Variants in WDR62 observed in about 807,000 individuals in gnomAD.
The protein encoded by WDR62 is WD repeat-containing protein 62.
Under a neutral mutation model 160.6 loss-of-function variants are expected in WDR62, and 112 were observed. That is an observed-to-expected ratio of 0.70 (90% CI 0.60 to 0.82). The LOEUF (loss-of-function observed/expected upper bound fraction) is 0.82, where lower values mean the gene tolerates loss of function less well. WDR62 is among the 40% of genes least tolerant of loss of function. The pLI is 0.00. For missense variants in WDR62, 1,819 were observed against 1,983.8 expected, an observed-to-expected ratio of 0.92 and a Z score of 1.58; for synonymous variants, 792 against 815.1, an observed-to-expected ratio of 0.97 and a Z score of 0.48.
intron 7 of WDR62, among the ~76,000 whole-genome samples, chr19:36,069,300 C>G (rs536733568): frequency 1.2e-4 from 18 of 152,036 alleles, no homozygotes; most frequent in African/African-American, 3.4e-4. Flanking sequence ...CGGAGGGGCT[C>G]CTCACTTCTC....
chr19:36,076,262 TG>T (rs892471834), intron 9 of WDR62, among the ~76,000 whole-genome samples: 2 of 151,742 alleles, frequency 1.3e-5, no homozygotes, highest in African/African-American at 4.8e-5. Context: ...GAAAAGACCA[TG>T]TTTTTTTTTT....
At position 36,103,433 on chromosome 19, in the gene WDR62, C is replaced by T. The variant is rs748505074; in HGVS notation, c.3605C>T (p.Thr1202Ile). The change falls in exon 30 of 32, where the codon ACC (threonine) becomes ATC (isoleucine). Residue 1202 changes from threonine (T) to isoleucine (I), a missense_variant. Physicochemically the swap from Thr to Ile is moderately conservative, Grantham distance 89 (BLOSUM62 -1). Transcript: ENST00000401500. ...RNLPTPTSAP[T>I]PGLAQGVHAP... Reference sequence around the variant, plus strand: ...CTCCCAACGCCCACATCTGCACCCACCCCAGGCCTGGCTCAGGGTGTCCAT... The same window carrying T: ...CTCCCAACGCCCACATCTGCACCCATCCCAGGCCTGGCTCAGGGTGTCCAT... 12 of 1,614,058 alleles carry T rather than the reference C, an allele frequency of 7.4e-6. No homozygotes were observed. In the South Asian group the frequency reaches 9.9e-5, roughly 13 times the overall value.
At chr19:36,101,557 C>A (rs1253062244) in intron 24 of WDR62, 107 bp from the exon 25 acceptor site, 2 of 909,852 alleles carry the variant, frequency 2.2e-6, no homozygotes, top group Non-Finnish European at 3.5e-6. Context: ...GCTGCTCTTA[C>A]CATCCCTCCT....
At chr19:36,106,649 CCA>C (rs1395790598), downstream of WDR62, among the ~76,000 whole-genome samples, 1 of 152,204 alleles carries the variant, frequency 6.6e-6, no homozygotes, top group African/African-American at 2.4e-5. Flanking sequence ...CCTGGGGCAG[CCA>C]CACGTGATCT....
intron 15 of WDR62, 136 bp downstream of exon 15, chr19:36,089,442 T>G (rs548213647): frequency 4.7e-5 from 70 of 1,474,616 alleles, no homozygotes; most frequent in East Asian, 3.0e-4. Flanking sequence ...TTCTTGGTTT[T>G]TTTTTGTTTT....
Position 36,066,239 on chromosome 19 carries a change from C to T in WDR62, c.391-18C>T, listed in dbSNP as rs549433873. On this transcript the variant is annotated intron_variant, in intron 4 of 31. Coordinates refer to ENST00000401500, the MANE Select transcript of WDR62 (RefSeq NM_001083961.2). The stretch of plus-strand genomic sequence containing the variant: ...CCAGTACAGAGCCCAGCAGCAGTAA[C>T]GACCCCACCTTCCCTAGAATGGGCA... 8.1e-6 allele frequency: 13 copies of T among 1,613,868 alleles called. No homozygotes were observed. The highest frequency in any genetic ancestry group is 4.0e-5 in the African/African-American group (3 of 74,922).
rs544768979 is a variant in WDR62 at position 36,086,790 on chromosome 19, C to T, written c.1746C>T (p.Ser582=). The T allele has an allele frequency of 1.9e-5, 30 of 1,609,768 alleles. No individual in the cohort carries two copies. The highest frequency in any genetic ancestry group is 1.3e-4 in the South Asian group (12 of 90,268). ...LEQTLDDHSS[S]ITAIKFAGNR... ...AGACGCTGGATGACCACTCCTCCTC[C>T]ATCACCGCCATCAAGTTCGCTGGTG... is the stretch of plus-strand genomic sequence containing the variant. The change falls in exon 13 of 32, where the codon TCC becomes TCT. Residue 582 remains serine (S), a synonymous_variant. Coordinates refer to ENST00000401500, the MANE Select transcript of WDR62 (RefSeq NM_001083961.2).
intron 15 of WDR62, among the ~76,000 whole-genome samples, chr19:36,089,731 A>G (rs1972475196): frequency 6.6e-6 from 1 of 152,226 alleles, no homozygotes; most frequent in African/African-American, 2.4e-5. Flanking sequence ...GGCGTGAGCC[A>G]CCGTGCCCGG....
intron 16 of WDR62, among the ~76,000 whole-genome samples, chr19:36,090,792 G>T (rs962118994): frequency 1.3e-5 from 2 of 152,180 alleles, no homozygotes; most frequent in African/African-American, 2.4e-5. Context: ...TCAGAGGCAT[G>T]AACTCCCCTC....
At chr19:36,059,094 G>T in intron 2 of WDR62, 2 of 678,132 alleles carry the variant, frequency 2.9e-6, no homozygotes, top group Non-Finnish European at 5.5e-6. Flanking sequence ...TATGACTACA[G>T]GGGGGAGGTG....
intron 3 of WDR62, chr19:36,062,412 C>T (rs1017651228): frequency 7.9e-5 from 12 of 151,944 alleles, no homozygotes; most frequent in African/African-American, 2.7e-4. Flanking sequence ...TGTGGGAGGC[C>T]TTGGAGGCAG....
chr19:36,110,037 C>T (rs1973780752), downstream of WDR62, among the ~76,000 whole-genome samples: 1 of 151,026 alleles, frequency 6.6e-6, no homozygotes, highest in Admixed American at 6.6e-5. Context: ...GCCTGGGCAA[C>T]GAGCAAAACT....
intron 12 of WDR62, among the ~76,000 whole-genome samples, chr19:36,085,594 C>A (rs1972178141): frequency 6.6e-6 from 1 of 151,414 alleles, no homozygotes; most frequent in South Asian, 2.1e-4. Flanking sequence ...GGCACGCCCC[C>A]ACCACACCCG....
chr19:36,100,516 A>G (rs1412113050), intron 22 of WDR62, among the ~76,000 whole-genome samples: 1 of 152,210 alleles, frequency 6.6e-6, no homozygotes, highest in African/African-American at 2.4e-5. Flanking sequence ...AACTTGATAT[A>G]AATAGACACG....
rs1457885889 is a variant in WDR62 at position 36,071,690 on chromosome 19, A to T, written c.1017A>T (p.Val339=). 1 of 1,614,072 alleles carries T rather than the reference A, an allele frequency of 6.2e-7. No individual in the cohort carries two copies. The highest frequency in any genetic ancestry group is 2.2e-5 in the East Asian group (1 of 44,886). ...ANLPKPHYLG[V]DVAQGLEPSF... is the part of the protein sequence containing the mutation. ...TGCCCAAGCCACACTACCTTGGGGT[A>T]GACGTGGCACAGGGCCTGGAGCCCA... The change falls in exon 8 of 32, where the codon GTA becomes GTT. Residue 339 remains valine, a synonymous_variant. Transcript: ENST00000401500.
At position 36,097,074 on chromosome 19, in the gene WDR62, C is replaced by T. The variant is rs377731205; in HGVS notation, c.2515C>T (p.Arg839Trp). Residue 839 changes from arginine (R) to tryptophan (W), a missense_variant, in exon 21 of 32, where the codon CGG becomes TGG. Physicochemically the swap from Arg to Trp is moderately radical, Grantham distance 101 (BLOSUM62 -3). Transcript: ENST00000401500. The part of the protein sequence containing the change: ...TNGKLPLWAK[R>W]LLGDDDVADG... ...CGGCAAGCTGCCACTGTGGGCAAAG[C>T]GGCTGGTAAGTCTTCAGGGAGAGGG... is the stretch of plus-strand genomic sequence containing the variant. The T allele has an allele frequency of 3.7e-6, 6 of 1,613,704 alleles. No homozygotes were observed. The African/African-American group carries it at 6.7e-5, about 18-fold the overall frequency.
chr19:36,089,221 G>C lies in WDR62; in HGVS notation c.1873G>C (p.Val625Leu). 3 of 1,614,218 alleles carry C rather than the reference G, an allele frequency of 1.9e-6. No homozygotes were observed. The highest frequency in any genetic ancestry group is 2.5e-6 in the Non-Finnish European group (3 of 1,180,038). ...ACTACACTTTGTCCGTACCCACCACGTAGCAGAGAAAACCACCTTGTATGA... is the reference window on the plus strand; with the variant it reads ...ACTACACTTTGTCCGTACCCACCACCTAGCAGAGAAAACCACCTTGTATGA... ...DGLHFVRTHH[V>L]AEKTTLYDMD... The change falls in exon 15 of 32, where the codon GTA becomes CTA. Residue 625 changes from valine to leucine, a missense_variant. Val to Leu is a conservative substitution (Grantham distance 32). Around this residue, in one of 3 missense-constraint regions of WDR62, gnomAD observed 934 missense variants for 1,157.2 expected, o/e 0.81. Coordinates refer to ENST00000401500, the MANE Select transcript of WDR62 (RefSeq NM_001083961.2).
chr19:36,110,054 C>CA (rs922901152), downstream of WDR62, among the ~76,000 whole-genome samples: 146 of 141,844 alleles, frequency 1.0e-3, 1 homozygote, highest in Admixed American at 3.2e-3. Flanking sequence ...AACTCCGCCT[C>CA]AAAAAAAAAA....
chr19:36,088,953 T>C, intron 13 of WDR62, 85 bp from the exon 14 acceptor site: 1 of 1,466,682 alleles, frequency 6.8e-7, no homozygotes, highest in Non-Finnish European at 9.5e-7. Flanking sequence ...AGTTGATTGA[T>C]GGCTCTTGCA....
Sources: gnomAD v4.1 joint callset for allele counts (sites outside exome capture counted in the v4.1 genomes callset) on GRCh38, gnomAD v4.1.1 for gene constraint, gnomAD v4.1.1 regional missense constraint, MANE v1.5 for transcripts, NCBI Gene and HGNC (gene_info 2026-07-23, HGNC 2026-07-21) for gene names.